Variants in LRP2 observed in about 807,000 individuals in gnomAD.
LRP2 encodes low-density lipoprotein receptor-related protein 2.
Under a neutral mutation model 531.0 loss-of-function variants are expected in LRP2, and 172 were observed. The ratio of observed to expected loss-of-function variants is 0.32; its 90% CI spans 0.29 to 0.37. The LOEUF (loss-of-function observed/expected upper bound fraction) is 0.37. LRP2 is among the 10% of genes least tolerant of loss of function. The pLI, the probability that LRP2 is intolerant of heterozygous loss-of-function variation, is 1.00. For missense variants in LRP2, 5,167 were observed against 5,868.3 expected, an observed-to-expected ratio of 0.88 and a Z score of 3.90; for synonymous variants, 1,992 against 2,027.6, an observed-to-expected ratio of 0.98 and a Z score of 0.47.
Position 169,173,941 on chromosome 2 carries a change from C to G in LRP2, c.10992G>C (p.Ser3664=), listed in dbSNP as rs562394755. Residue 3664 remains serine, a synonymous_variant, in exon 56 of 79, where the codon TCG becomes TCC. Transcript: ENST00000649046. Reference sequence around the variant, plus strand: ...TACTGCATTCTTCAATGGGCTCATCCGAGTGGTCTCCACAATCATTATCCA... The same window carrying G: ...TACTGCATTCTTCAATGGGCTCATCGGAGTGGTCTCCACAATCATTATCCA... ...CDVDNDCGDH[S]DEPIEECMSS... 6.2e-7 allele frequency: 1 copy of G among 1,614,156 alleles called. No individual in the cohort carries two copies. Among genetic ancestry groups the G allele is most frequent in the Non-Finnish European group, 8.5e-7 (1 of 1,180,020 alleles).
At chr2:169,215,765 A>T (rs11886185) in intron 35 of LRP2, among the ~76,000 whole-genome samples, 15,383 of 146,964 alleles carry the variant, frequency 0.1, 1,350 homozygotes, top group African/African-American at 0.25. Context: ...CATATATAGA[A>T]TCTATATAGA....
intron 1 of LRP2, 115 bp downstream of exon 1, chr2:169,362,206 C>G (rs1686186362): frequency 1.1e-6 from 1 of 879,398 alleles, no homozygotes; most frequent in Non-Finnish European, 1.7e-6. Flanking sequence ...GCTCCCGCGC[C>G]GCCGCCCGGC....
At chr2:169,279,256 A>T in intron 12 of LRP2, 116 bp downstream of exon 12, 1 of 780,642 alleles carries the variant, frequency 1.3e-6, no homozygotes, top group Non-Finnish European at 2.2e-6. Flanking sequence ...CTTCTAGAGT[A>T]TACAGCCTAA....
chr2:169,132,186 T>C lies in LRP2; in HGVS notation c.13728+388A>G, dbSNP rs570070827. Among the ~76,000 whole-genome samples the C allele has an allele frequency of 1.4e-4, 21 of 152,300 alleles. No homozygotes were observed. In the East Asian group the frequency reaches 1.5e-3, roughly 11 times the overall value. On this transcript the variant is annotated intron_variant, in intron 77 of 78. Coordinates refer to ENST00000649046, the MANE Select transcript of LRP2 (RefSeq NM_004525.3). ...AACAGCTTGAAAGAATAAAGATGCA[T>C]GCTGTAGAGAAATCACGGCACACAC...
At chr2:169,265,153 G>A (rs1306415998) in intron 16 of LRP2, among the ~76,000 whole-genome samples, 1 of 151,792 alleles carries the variant, frequency 6.6e-6, no homozygotes, top group Non-Finnish European at 1.5e-5. Flanking sequence ...GGAGAATGAA[G>A]GCATCTATGG....
At chr2:169,283,507 T>G (rs1683761951) in intron 9 of LRP2, among the ~76,000 whole-genome samples, 1 of 152,162 alleles carries the variant, frequency 6.6e-6, no homozygotes, top group African/African-American at 2.4e-5. Flanking sequence ...AAGATACACA[T>G]TTACATCACT....
intron 1 of LRP2, among the ~76,000 whole-genome samples, chr2:169,345,117 A>G (rs1220113457): frequency 6.6e-6 from 1 of 152,328 alleles, no homozygotes; most frequent in East Asian, 1.9e-4. Context: ...CACTGACTTA[A>G]TCTTCTTTGA....
intron 58 of LRP2, 35 bp from the exon 59 acceptor site, chr2:169,170,702 C>A: frequency 7.1e-7 from 1 of 1,407,974 alleles, no homozygotes. Flanking sequence ...TGAGTGTGCA[C>A]CAGGAATCAC....
intron 1 of LRP2, among the ~76,000 whole-genome samples, chr2:169,345,773 G>T (rs577297307): frequency 6.9e-6 from 1 of 144,190 alleles, no homozygotes; most frequent in Admixed American, 6.9e-5. Context: ...AAAAAAAAAC[G>T]AGCACTGTTA....
At position 169,280,427 on chromosome 2, in the gene LRP2, T is replaced by G. The variant is rs1683670174; in HGVS notation, c.1264A>C (p.Asn422His). ...GCCACACCCACGGCCACTCCACGATTCTGAGACTCCACTAGGATCCGGAAG... is the reference window on the plus strand; with the variant it reads ...GCCACACCCACGGCCACTCCACGATGCTGAGACTCCACTAGGATCCGGAAG... Reference protein sequence around the residue: ...RSFRILVESQNRGVAVGVAFH... With the variant: ...RSFRILVESQHRGVAVGVAFH... Residue 422 changes from asparagine (N) to histidine (H), a missense_variant, in exon 11 of 79, where the codon AAT becomes CAT. By Grantham distance (68) the Asn-to-His change is moderately conservative (BLOSUM62 1). Coordinates refer to ENST00000649046, the MANE Select transcript of LRP2 (RefSeq NM_004525.3). 2 of 1,614,196 alleles carry G rather than the reference T, an allele frequency of 1.2e-6. No individual in the cohort carries two copies. Among genetic ancestry groups the G allele is most frequent in the Admixed American group, 3.3e-5 (2 of 60,030 alleles).
At chr2:169,318,703 G>A (rs985873117) in intron 3 of LRP2, 59 bp downstream of exon 3, 42 of 1,611,918 alleles carry the variant, frequency 2.6e-5, no homozygotes, top group African/African-American at 5.3e-5. Flanking sequence ...ACTTCTTTGC[G>A]ACAGGTTGGG....
chr2:169,346,137 G>A (rs1164987135), intron 1 of LRP2, among the ~76,000 whole-genome samples: 1 of 152,174 alleles, frequency 6.6e-6, no homozygotes, highest in Non-Finnish European at 1.5e-5. Flanking sequence ...AACTATTAAA[G>A]ACCCTTTTGA....
rs1685149389 is a variant in LRP2 at position 169,127,825 on chromosome 2, A to G, written c.*838T>C. On this transcript the variant is annotated 3_prime_UTR_variant, in exon 79 of 79. Transcript: ENST00000649046. The stretch of plus-strand genomic sequence containing the variant: ...GAAATTCAGCTACTGAGCTCCAACT[A>G]CTAGGGCAGGTGACCACCTTGAATG... 6.6e-6 allele frequency: 1 copy of G among 151,994 alleles called. No individual in the cohort carries two copies. Among genetic ancestry groups the G allele is most frequent in the South Asian group, 2.1e-4 (1 of 4,810 alleles). The allele number at this position is 151,994 out of a possible 1,614,324, so 9.4% of individuals were successfully genotyped here. A position where few individuals can be genotyped will look rare whatever the true frequency, so the allele number is the denominator to read the frequency against.
chr2:169,242,513 C>T (rs564639599), intron 24 of LRP2, among the ~76,000 whole-genome samples: 13 of 152,150 alleles, frequency 8.5e-5, no homozygotes, highest in African/African-American at 2.9e-4. Context: ...ATATTCAACA[C>T]ATAATAGCAC....
At chr2:169,151,523 G>C (rs1686126139) in intron 67 of LRP2, among the ~76,000 whole-genome samples, 1 of 152,022 alleles carries the variant, frequency 6.6e-6, no homozygotes, top group South Asian at 2.1e-4. Flanking sequence ...TCCTCCTCAG[G>C]AAAGAGCCCC....
At chr2:169,231,637 G>A in intron 31 of LRP2, 77 bp downstream of exon 31, 3 of 1,574,550 alleles carry the variant, frequency 1.9e-6, no homozygotes, top group Non-Finnish European at 8.7e-7. Flanking sequence ...AGTCGCAATT[G>A]GTTTTAGAGT....
At chr2:169,156,591 T>C (rs780064749) in intron 64 of LRP2, among the ~76,000 whole-genome samples, 186 bp from the exon 65 acceptor site, 4 of 152,170 alleles carry the variant, frequency 2.6e-5, no homozygotes, top group African/African-American at 4.8e-5. Context: ...TTTCAAATAT[T>C]TTCCTCGTTT....
intron 1 of LRP2, among the ~76,000 whole-genome samples, chr2:169,334,875 G>A (rs774523857): frequency 8.5e-5 from 13 of 152,202 alleles, no homozygotes; most frequent in Non-Finnish European, 1.8e-4. Context: ...AATGCCTGAA[G>A]CACAGCCGTC....
Position 169,272,958 on chromosome 2 carries a change from G to A in LRP2, c.2085C>T (p.Phe695=), listed in dbSNP as rs2105440576. Residue 695 remains phenylalanine, a synonymous_variant, in exon 15 of 79, where the codon TTC becomes TTT. Transcript: ENST00000649046. ...AGTGGCGCTCATCTGTATCCAGTTG[G>A]AAGCCGAATGTGCACTTGCAACGGA... ...LGFRCKCTFG[F]QLDTDERHCI... The A allele has an allele frequency of 6.2e-7, 1 of 1,613,742 alleles. No individual in the cohort carries two copies. The highest frequency in any genetic ancestry group is 8.5e-7 in the Non-Finnish European group (1 of 1,179,768).
Sources: allele counts gnomAD v4.1 joint callset (sites outside exome capture counted in the v4.1 genomes callset), GRCh38; gene constraint gnomAD v4.1.1; transcripts MANE v1.5; gene names NCBI Gene and HGNC (gene_info 2026-07-23, HGNC 2026-07-21).